The following INPP4B variants were observed in gnomAD, a reference collection of about 807,000 sequenced individuals.
The protein encoded by INPP4B is inositol polyphosphate-4-phosphatase type II B, also known as inositol polyphosphate 4-phosphatase type II.
INPP4B carries 55 observed loss-of-function variants against 122.5 expected under a neutral mutation model. The ratio of observed to expected loss-of-function variants is 0.45; its 90% CI spans 0.36 to 0.56. The LOEUF is 0.56. INPP4B is among the 20% of genes least tolerant of loss of function. The pLI, the probability that INPP4B is intolerant of heterozygous loss-of-function variation, is 0.00. For missense variants in INPP4B, 1,000 were observed against 1,097.7 expected, an observed-to-expected ratio of 0.91 and a Z score of 1.26; for synonymous variants, 403 against 388.7, an observed-to-expected ratio of 1.04 and a Z score of -0.43.
chr4:142,167,486 C>T (rs951125567), intron 16 of INPP4B, among the ~76,000 whole-genome samples: 6 of 151,728 alleles, frequency 4.0e-5, no homozygotes, highest in African/African-American at 1.4e-4. Context: ...TGCTGCAAAC[C>T]ACCCTGGCAC....
At chr4:142,700,133 A>C (rs1432752783) in intron 2 of INPP4B, among the ~76,000 whole-genome samples, 1 of 152,044 alleles carries the variant, frequency 6.6e-6, no homozygotes, top group Non-Finnish European at 1.5e-5. Context: ...TCTTGAAACC[A>C]TTCCAATCAA....
intron 25 of INPP4B, among the ~76,000 whole-genome samples, chr4:142,068,788 T>C (rs1468400586): frequency 1.3e-5 from 2 of 152,130 alleles, no homozygotes; most frequent in Non-Finnish European, 2.9e-5. Flanking sequence ...CTAACTATCT[T>C]AAATATATAT....
chr4:142,273,624 T>C (rs970519776), intron 9 of INPP4B, among the ~76,000 whole-genome samples: 2 of 151,974 alleles, frequency 1.3e-5, no homozygotes, highest in Admixed American at 6.6e-5. Flanking sequence ...GGCTACTTTT[T>C]CAATGATTTT....
intron 9 of INPP4B, among the ~76,000 whole-genome samples, chr4:142,275,989 C>T (rs1040038264): frequency 2.6e-5 from 4 of 151,600 alleles, no homozygotes; most frequent in African/African-American, 9.7e-5. Context: ...TCTCTCAAAC[C>T]CAAATTCACC....
At chr4:142,593,881 C>A (rs1377002653) in intron 2 of INPP4B, among the ~76,000 whole-genome samples, 1 of 152,060 alleles carries the variant, frequency 6.6e-6, no homozygotes, top group Non-Finnish European at 1.5e-5. Flanking sequence ...TACACACACA[C>A]ACACACACAC....
At chr4:142,162,180 T>C (rs1820484519) in intron 16 of INPP4B, among the ~76,000 whole-genome samples, 1 of 151,500 alleles carries the variant, frequency 6.6e-6, no homozygotes, top group East Asian at 1.9e-4. Context: ...AAAAACATAA[T>C]TTATAAGAAT....
chr4:142,455,413 A>G (rs190892985), intron 3 of INPP4B, among the ~76,000 whole-genome samples: 1 of 152,092 alleles, frequency 6.6e-6, no homozygotes, highest in Admixed American at 6.5e-5. Flanking sequence ...AGAACATATG[A>G]TATTTGTCTT....
chr4:142,374,332 T>C (rs1440222357), intron 7 of INPP4B, among the ~76,000 whole-genome samples: 1 of 151,928 alleles, frequency 6.6e-6, no homozygotes, highest in Non-Finnish European at 1.5e-5. Flanking sequence ...CAAAGATGCA[T>C]TTTGTATGCT....
chr4:142,255,619 A>G (rs1382507955), intron 11 of INPP4B, among the ~76,000 whole-genome samples: 1 of 152,236 alleles, frequency 6.6e-6, no homozygotes, highest in East Asian at 1.9e-4. Context: ...GCCATTACAT[A>G]ATGGTAAATG....
intron 7 of INPP4B, among the ~76,000 whole-genome samples, chr4:142,331,866 C>T (rs1774632789): frequency 8.4e-6 from 1 of 118,360 alleles, no homozygotes; most frequent in South Asian, 2.8e-4. Flanking sequence ...TATTATGAGG[C>T]AATGTTTAGA....
At chr4:142,417,749 T>C (rs977590325) in intron 5 of INPP4B, among the ~76,000 whole-genome samples, 29 of 152,124 alleles carry the variant, frequency 1.9e-4, no homozygotes, top group African/African-American at 7.0e-4. Flanking sequence ...GACCCAGGAA[T>C]GATGAATTTT....
chr4:142,742,566 A>G (rs187255742), intron 1 of INPP4B, among the ~76,000 whole-genome samples: 1 of 151,980 alleles, frequency 6.6e-6, no homozygotes, highest in African/African-American at 2.4e-5. Context: ...TAGTAGTGAG[A>G]AAAAAAAGTC....
In INPP4B at chr4:142,808,279, A is replaced by T. The variant is rs145099842; in HGVS notation, c.-254+37930T>A. 5.3e-4 allele frequency among the ~76,000 whole-genome samples: 80 copies of T among 152,348 alleles called. 2 individuals carry two copies. Among genetic ancestry groups the T allele is most frequent in the African/African-American group, 1.6e-3 (67 of 41,586 alleles). On this transcript the variant is annotated intron_variant, in intron 1 of 25. Coordinates refer to ENST00000262992, the MANE Select transcript of INPP4B (RefSeq NM_001101669.3). Reference sequence around the variant, plus strand: ...TTCACAACAGGTGAGACTTCCTAGGATTCTTTCTTGAAGGTTTTTAAATGG... The same window carrying T: ...TTCACAACAGGTGAGACTTCCTAGGTTTCTTTCTTGAAGGTTTTTAAATGG...
intron 2 of INPP4B, among the ~76,000 whole-genome samples, chr4:142,469,512 G>A (rs1037762334): frequency 1.3e-5 from 2 of 151,848 alleles, no homozygotes; most frequent in Admixed American, 6.6e-5. Context: ...ATTTTCCAAA[G>A]TTCATTTGAA....
intron 1 of INPP4B, among the ~76,000 whole-genome samples, chr4:142,783,762 C>A (rs533840588): frequency 4.6e-5 from 7 of 152,096 alleles, no homozygotes; most frequent in African/African-American, 7.2e-5. Context: ...TTACTTGCTT[C>A]TCCCAATCCT....
At chr4:142,777,882 AC>A (rs762953370) in intron 1 of INPP4B, among the ~76,000 whole-genome samples, 20 of 152,034 alleles carry the variant, frequency 1.3e-4, no homozygotes, top group African/African-American at 1.9e-4. Context: ...GGCACAGCCT[AC>A]CAGCAGGATT....
intron 24 of INPP4B, among the ~76,000 whole-genome samples, chr4:142,084,219 G>A (rs548327811): frequency 1.3e-5 from 2 of 152,134 alleles, no homozygotes; most frequent in Non-Finnish European, 2.9e-5. Context: ...CAACTCCCTG[G>A]TTCAAGCGAT....
At chr4:142,443,769 G>C (rs1418985534) in intron 3 of INPP4B, among the ~76,000 whole-genome samples, 5 of 152,002 alleles carry the variant, frequency 3.3e-5, no homozygotes, top group African/African-American at 4.8e-5. Context: ...CAGTCTCCAG[G>C]CATCTAAACC....
At chr4:142,558,637 G>C (rs1729737683) in intron 2 of INPP4B, among the ~76,000 whole-genome samples, 1 of 139,490 alleles carries the variant, frequency 7.2e-6, no homozygotes, top group South Asian at 2.3e-4. Context: ...CTCCTTCTTG[G>C]TATAATTCAG....
Sources: allele counts gnomAD v4.1 joint callset (sites outside exome capture counted in the v4.1 genomes callset), GRCh38; gene constraint gnomAD v4.1.1; transcripts MANE v1.5; gene names NCBI Gene and HGNC (gene_info 2026-07-23, HGNC 2026-07-21).